The following AGBL4 variants were observed in gnomAD, a reference collection of about 807,000 sequenced individuals.
AGBL4 encodes AGBL carboxypeptidase 4, also known as cytosolic carboxypeptidase 6.
AGBL4 carries 58 observed loss-of-function variants against 66.4 expected under a neutral mutation model. The ratio of observed to expected loss-of-function variants is 0.87; its 90% CI spans 0.71 to 1.09. The LOEUF (loss-of-function observed/expected upper bound fraction) is 1.09. AGBL4 is among the 50% of genes least tolerant of loss of function. AGBL4 has a pLI of 0.00. For synonymous variants in AGBL4, 234 were observed against 222.9 expected, an observed-to-expected ratio of 1.05 and a Z score of -0.44; for missense variants, 579 against 631.0, an observed-to-expected ratio of 0.92 and a Z score of 0.88.
intron 3 of AGBL4, among the ~76,000 whole-genome samples, chr1:49,282,291 T>A (rs759513076): frequency 1.3e-5 from 2 of 152,208 alleles, no homozygotes; most frequent in East Asian, 3.9e-4. Context: ...CTAAAGTCCA[T>A]GCTTTTTTGT....
chr1:49,803,670 C>A (rs1034596656), intron 2 of AGBL4, among the ~76,000 whole-genome samples: 7 of 152,070 alleles, frequency 4.6e-5, no homozygotes, highest in Admixed American at 6.6e-5. Context: ...TTCTGATAAC[C>A]TGATATTTGC....
At chr1:49,107,632 T>C (rs916491756) in intron 4 of AGBL4, among the ~76,000 whole-genome samples, 2 of 151,870 alleles carry the variant, frequency 1.3e-5, no homozygotes, top group African/African-American at 4.8e-5. Flanking sequence ...GGATTAATTG[T>C]CTGTGTGTAT....
At chr1:48,697,554 T>C (rs1646731395) in intron 6 of AGBL4, among the ~76,000 whole-genome samples, 1 of 152,252 alleles carries the variant, frequency 6.6e-6, no homozygotes, top group Non-Finnish European at 1.5e-5. Flanking sequence ...TACTGACTTC[T>C]GGTCCAGTGA....
At chr1:48,886,625 TCA>T (rs1248481766) in intron 5 of AGBL4, among the ~76,000 whole-genome samples, 1 of 152,142 alleles carries the variant, frequency 6.6e-6, no homozygotes, top group African/African-American at 2.4e-5. Flanking sequence ...CTATCTCCAC[TCA>T]CTGCAAGCTC....
chr1:49,786,301 C>CTAGAT (rs1644453747), intron 2 of AGBL4, among the ~76,000 whole-genome samples: 2 of 152,040 alleles, frequency 1.3e-5, no homozygotes, highest in Admixed American at 6.6e-5. Flanking sequence ...CGGTTATGAG[C>CTAGAT]TATCTATTGC....
chr1:48,844,575 A>G (rs1309063272), intron 6 of AGBL4, among the ~76,000 whole-genome samples: 1 of 152,162 alleles, frequency 6.6e-6, no homozygotes, highest in African/African-American at 2.4e-5. Context: ...CATTTTTAGT[A>G]TTACTTCATC....
intron 3 of AGBL4, among the ~76,000 whole-genome samples, chr1:49,397,398 A>C (rs1416169761): frequency 6.6e-6 from 1 of 152,194 alleles, no homozygotes; most frequent in African/African-American, 2.4e-5. Context: ...TGGGTGAAGC[A>C]GGTGCTTTCT....
intron 3 of AGBL4, among the ~76,000 whole-genome samples, chr1:49,426,954 C>T (rs561145726): frequency 6.6e-6 from 1 of 152,250 alleles, no homozygotes; most frequent in South Asian, 2.1e-4. Context: ...ATAGACATTA[C>T]ATGTCCTCCT....
At chr1:49,847,234 T>C (rs1442005155) in intron 2 of AGBL4, among the ~76,000 whole-genome samples, 1 of 152,126 alleles carries the variant, frequency 6.6e-6, no homozygotes, top group African/African-American at 2.4e-5. Context: ...TAGACTCCTA[T>C]CTCTTGGCAT....
chr1:48,644,343 A>T (rs1207731270), intron 8 of AGBL4, among the ~76,000 whole-genome samples: 2 of 151,854 alleles, frequency 1.3e-5, no homozygotes, highest in Non-Finnish European at 2.9e-5. Flanking sequence ...CCCTATCCCA[A>T]CCCTCTTGGC....
chr1:49,339,910 T>C (rs923001333), intron 3 of AGBL4, among the ~76,000 whole-genome samples: 2 of 152,208 alleles, frequency 1.3e-5, no homozygotes, highest in Non-Finnish European at 2.9e-5. Context: ...AGTGGTGCCA[T>C]GACTGTGGTA....
At chr1:49,937,434 G>A (rs925394952) in intron 1 of AGBL4, among the ~76,000 whole-genome samples, 1 of 151,966 alleles carries the variant, frequency 6.6e-6, no homozygotes, top group African/African-American at 2.4e-5. Flanking sequence ...AGATCAACGA[G>A]ACAGAAAGTT....
intron 1 of AGBL4, among the ~76,000 whole-genome samples, chr1:49,929,673 A>C (rs1254801232): frequency 3.9e-5 from 6 of 152,092 alleles, no homozygotes. Context: ...GAAAAAAAAA[A>C]GATTCCAGCT....
At chr1:49,489,199 T>G (rs1647135070) in intron 3 of AGBL4, among the ~76,000 whole-genome samples, 1 of 151,854 alleles carries the variant, frequency 6.6e-6, no homozygotes, top group African/African-American at 2.4e-5. Context: ...CATTTGTTAT[T>G]GCCTGACTTG....
At chr1:49,693,465 TC>T (rs1646926878) in intron 3 of AGBL4, among the ~76,000 whole-genome samples, 1 of 152,108 alleles carries the variant, frequency 6.6e-6, no homozygotes, top group Non-Finnish European at 1.5e-5. Context: ...ATATTTAGGT[TC>T]TTTAGAAGCA....
intron 5 of AGBL4, among the ~76,000 whole-genome samples, chr1:48,994,577 T>G (rs1403886710): frequency 6.6e-6 from 1 of 152,180 alleles, no homozygotes; most frequent in Non-Finnish European, 1.5e-5. Context: ...AAGTAGTGGG[T>G]ACCCAGAATA....
At chr1:49,711,394 G>T (rs908869421) in intron 2 of AGBL4, among the ~76,000 whole-genome samples, 2 of 152,076 alleles carry the variant, frequency 1.3e-5, no homozygotes, top group Non-Finnish European at 2.9e-5. Flanking sequence ...CAATGAAATA[G>T]TGCTAAGCAA....
At position 49,932,259 on chromosome 1, in the gene AGBL4, A is replaced by G. The variant is rs369074281; in HGVS notation, c.35-80741T>C. ...AAAGGCAGTTCAGTCAAGAAAATAT[A>G]ATAGTCATTTTAAAAATTAGATTGA... On this transcript the variant is annotated intron_variant, in intron 1 of 13. Transcript: ENST00000371839. Among the ~76,000 whole-genome samples the G allele has an allele frequency of 3.3e-4, 50 of 152,328 alleles. 1 individual carries two copies. The South Asian group carries it at 9.5e-3, about 29-fold the overall frequency.
intron 1 of AGBL4, among the ~76,000 whole-genome samples, chr1:49,915,070 C>T (rs1651259393): frequency 6.6e-6 from 1 of 152,108 alleles, no homozygotes; most frequent in Admixed American, 6.6e-5. Flanking sequence ...TTAAAAGAGG[C>T]TACTTAGGAC....
Sources: gnomAD v4.1 joint callset for allele counts (sites outside exome capture counted in the v4.1 genomes callset) on GRCh38, gnomAD v4.1.1 for gene constraint, MANE v1.5 for transcripts, NCBI Gene and HGNC (gene_info 2026-07-23, HGNC 2026-07-21) for gene names.